The following CCNH variants were observed in gnomAD, a reference collection of about 807,000 sequenced individuals.
CCNH encodes the protein cyclin-H.
CCNH carries 31 observed loss-of-function variants against 41.9 expected under a neutral mutation model. That is an observed-to-expected ratio of 0.74 (90% confidence interval 0.56 to 1.00). The LOEUF (loss-of-function observed/expected upper bound fraction) is 1.00, where lower values mean the gene tolerates loss of function less well. Among genes scored for constraint, CCNH ranks in the 50% least tolerant of loss-of-function variants. The probability of loss-of-function intolerance (pLI) is 0.00; values close to 1 mark genes in which losing one functional copy is unlikely to be tolerated. For missense variants in CCNH, 362 were observed against 388.4 expected (o/e 0.93, Z 0.57); for synonymous variants, 138 against 136.1 (o/e 1.01, Z -0.10).
At chr5:87,389,984 A>C (rs1328120753), downstream of CCNH, among the ~76,000 whole-genome samples, 2 of 152,176 alleles carry the variant, frequency 1.3e-5, no homozygotes, top group Non-Finnish European at 2.9e-5. Flanking sequence ...TGGCCTTGAA[A>C]GCTGCACGTC....
chr5:87,373,959 T>G (rs1169897614), downstream of CCNH, among the ~76,000 whole-genome samples: 1 of 151,880 alleles, frequency 6.6e-6, no homozygotes, highest in Non-Finnish European at 1.5e-5. Context: ...GTTTTTATCT[T>G]TTAGGTGGGA....
At chr5:87,397,645 T>A (rs1763073465) in intron 7 of CCNH, among the ~76,000 whole-genome samples, 1 of 152,234 alleles carries the variant, frequency 6.6e-6, no homozygotes, top group Non-Finnish European at 1.5e-5. Context: ...CCTCAAGTAC[T>A]CATAGATATT....
intron 9 of CCNH, among the ~76,000 whole-genome samples, chr5:87,342,048 T>C (rs1386938180): frequency 6.6e-6 from 1 of 152,196 alleles, no homozygotes; most frequent in Non-Finnish European, 1.5e-5. Context: ...TTTTATTGTT[T>C]CTTGTAGCTA....
chr5:87,361,411 G>C (rs1480869477), intron 9 of CCNH, among the ~76,000 whole-genome samples: 1 of 152,152 alleles, frequency 6.6e-6, no homozygotes, highest in African/African-American at 2.4e-5. Context: ...TTTCAAGATA[G>C]AGGATTATGA....
chr5:87,402,533 A>G (rs1305634326), intron 5 of CCNH, among the ~76,000 whole-genome samples: 1 of 152,226 alleles, frequency 6.6e-6, no homozygotes, highest in Non-Finnish European at 1.5e-5. Context: ...CACAAATGCA[A>G]AAAACTTATT....
chr5:87,376,336 C>T, exon 1 of CCNH: 2 of 1,587,780 alleles, frequency 1.3e-6, no homozygotes, highest in South Asian at 1.1e-5. Flanking sequence ...AATTTACTTG[C>T]ATGACTAATT....
At chr5:87,320,145 C>A (rs990899735) in intron 9 of CCNH, among the ~76,000 whole-genome samples, 2 of 152,206 alleles carry the variant, frequency 1.3e-5, no homozygotes, top group African/African-American at 4.8e-5. Context: ...TCTGAGACCA[C>A]ATCAGCCTGG....
At chr5:87,372,281 T>C (rs145879163), downstream of CCNH, 5 of 1,245,792 alleles carry the variant, frequency 4.0e-6, no homozygotes, top group East Asian at 9.9e-5. Flanking sequence ...CTGAACTGTT[T>C]TGGACATCAT....
At chr5:87,370,898 C>T (rs955633797) in intron 9 of CCNH, among the ~76,000 whole-genome samples, 1 of 152,068 alleles carries the variant, frequency 6.6e-6, no homozygotes, top group East Asian at 1.9e-4. Flanking sequence ...TACAACTGAA[C>T]GTCATATTTC....
chr5:87,408,216 A>G, intron 3 of CCNH, 30 bp from the exon 4 acceptor site: 2 of 573,214 alleles, frequency 3.5e-6, no homozygotes, highest in South Asian at 1.7e-5. Context: ...GGCAGGAGGC[A>G]GGGGGTGGGT....
upstream of CCNH, among the ~76,000 whole-genome samples, chr5:87,377,805 T>C (rs988739995): frequency 6.6e-6 from 1 of 152,196 alleles, no homozygotes; most frequent in African/African-American, 2.4e-5. Context: ...TTCTTGCTTC[T>C]AGGTTCCCCA....
chr5:87,399,656 C>T lies in CCNH; in HGVS notation c.761-151G>A, dbSNP rs1246208304. Reference sequence around the variant, plus strand: ...GATTTGCATCATTCTGCATTTCATTCTACATTAAAATCCAATAAGCACTGT... The same window carrying T: ...GATTTGCATCATTCTGCATTTCATTTTACATTAAAATCCAATAAGCACTGT... On this transcript the variant is annotated intron_variant, in intron 6 of 8. Coordinates refer to ENST00000256897, the MANE Select transcript of CCNH (RefSeq NM_001239.4). 5 of 634,144 alleles carry T rather than the reference C, an allele frequency of 7.9e-6. No individual in the cohort carries two copies. In the Admixed American group the frequency reaches 8.2e-5, roughly 10 times the overall value. The allele number at this position is 634,144 out of a possible 1,614,324, so 39.3% of individuals were successfully genotyped here. A position where few individuals can be genotyped will look rare whatever the true frequency, so the allele number is the denominator to read the frequency against.
intron 3 of CCNH, among the ~76,000 whole-genome samples, chr5:87,408,872 G>A (rs746626541): frequency 3.3e-5 from 5 of 152,136 alleles, no homozygotes; most frequent in Non-Finnish European, 5.9e-5. Context: ...TAGACACAGC[G>A]CTCAGCAGAG....
intron 6 of CCNH, among the ~76,000 whole-genome samples, chr5:87,401,380 T>C (rs1194177279): frequency 6.6e-6 from 1 of 152,260 alleles, no homozygotes; most frequent in South Asian, 2.1e-4. Context: ...ATCCTTAAGT[T>C]ATTTCCCATT....
downstream of CCNH, chr5:87,376,231 A>T (rs1467476798): frequency 1.3e-6 from 1 of 784,640 alleles, no homozygotes; most frequent in Non-Finnish European, 2.1e-6. Context: ...GTAGACACTC[A>T]GTAAATAAAC....
At chr5:87,397,491 A>G (rs1252425767) in intron 7 of CCNH, among the ~76,000 whole-genome samples, 1 of 152,162 alleles carries the variant, frequency 6.6e-6, no homozygotes. Flanking sequence ...TTGATATAAT[A>G]ATTTTATGAC....
intron 9 of CCNH, among the ~76,000 whole-genome samples, chr5:87,321,280 C>G (rs1375201456): frequency 6.6e-6 from 1 of 152,204 alleles, no homozygotes; most frequent in Non-Finnish European, 1.5e-5. Context: ...ACACAGAGGA[C>G]TTCTGTGTCC....
intron 9 of CCNH, among the ~76,000 whole-genome samples, chr5:87,321,655 T>C: frequency 6.6e-6 from 1 of 152,208 alleles, no homozygotes; most frequent in Middle Eastern, 3.2e-3. Flanking sequence ...TCTGGAAGGG[T>C]CCCAAATGTA....
intron 8 of CCNH, chr5:87,394,714 C>CTTAT (rs1762780192): frequency 7.5e-7 from 1 of 1,333,126 alleles, no homozygotes; most frequent in Non-Finnish European, 9.6e-7. Context: ...TGATTATTCA[C>CTTAT]TTATTTGACT....
Sources: gnomAD v4.1 joint callset for allele counts (sites outside exome capture counted in the v4.1 genomes callset) on GRCh38, gnomAD v4.1.1 for gene constraint, MANE v1.5 for transcripts, NCBI Gene and HGNC (gene_info 2026-07-23, HGNC 2026-07-21) for gene names.